The following CCDC178 variants were observed in gnomAD, a reference collection of about 807,000 sequenced individuals.
CCDC178 encodes coiled-coil domain containing 178, also known as coiled-coil domain-containing protein 178.
Under a neutral mutation model 117.4 loss-of-function variants are expected in CCDC178, and 126 were observed. The ratio of observed to expected loss-of-function variants is 1.07; its 90% confidence interval spans 0.93 to 1.24. The LOEUF (loss-of-function observed/expected upper bound fraction) is 1.24, where lower values mean the gene tolerates loss of function less well. Ranked by LOEUF, CCDC178 falls within the 50% of genes most tolerant of loss-of-function variation. The pLI is 0.00. For missense variants in CCDC178, 1,030 were observed against 986.9 expected, an observed-to-expected ratio of 1.04 and a Z score of -0.59; for synonymous variants, 283 against 313.4, an observed-to-expected ratio of 0.90 and a Z score of 1.02.
chr18:33,374,055 G>A (rs1168987678), intron 5 of CCDC178, among the ~76,000 whole-genome samples: 1 of 152,188 alleles, frequency 6.6e-6, no homozygotes, highest in Admixed American at 6.6e-5. Context: ...TCTCTGCCAA[G>A]GGACAGTTTC....
chr18:33,325,003 A>T (rs1424196748), intron 10 of CCDC178, among the ~76,000 whole-genome samples: 1 of 151,654 alleles, frequency 6.6e-6, no homozygotes, highest in Admixed American at 6.6e-5. Flanking sequence ...AATTATAATA[A>T]TATTAAAATA....
chr18:33,413,920 C>G (rs1186529670), intron 2 of CCDC178, among the ~76,000 whole-genome samples: 1 of 152,092 alleles, frequency 6.6e-6, no homozygotes, highest in Non-Finnish European at 1.5e-5. Flanking sequence ...TAGACTGAAG[C>G]CCAGCCTCAA....
At chr18:33,259,754 T>G (rs1365258011) in intron 14 of CCDC178, among the ~76,000 whole-genome samples, 1 of 152,038 alleles carries the variant, frequency 6.6e-6, no homozygotes, top group Admixed American at 6.6e-5. Context: ...ATAACTTCCA[T>G]AATAATTATG....
chr18:33,389,703 G>T, intron 4 of CCDC178, 74 bp from the exon 5 acceptor site: 2 of 611,352 alleles, frequency 3.3e-6, no homozygotes, highest in Non-Finnish European at 2.6e-6. Flanking sequence ...GCACCACCAT[G>T]TAAAAAACTA....
At chr18:33,022,749 T>C (rs533412744) in intron 21 of CCDC178, among the ~76,000 whole-genome samples, 2 of 152,140 alleles carry the variant, frequency 1.3e-5, no homozygotes, top group East Asian at 3.9e-4. Flanking sequence ...AATAACTACA[T>C]TAAATGTAGA....
chr18:33,016,991 C>T (rs1375290884), intron 21 of CCDC178, among the ~76,000 whole-genome samples: 3 of 151,796 alleles, frequency 2.0e-5, no homozygotes, highest in East Asian at 1.9e-4. Context: ...ACAAAAATCC[C>T]TATAGCTAAC....
chr18:33,429,743 A>G (rs2064180052), intron 2 of CCDC178, among the ~76,000 whole-genome samples: 1 of 152,198 alleles, frequency 6.6e-6, no homozygotes, highest in African/African-American at 2.4e-5. Context: ...TCAGATAACC[A>G]TGTTGTAAAT....
chr18:32,972,972 C>A (rs1416183266), intron 22 of CCDC178, among the ~76,000 whole-genome samples: 1 of 152,058 alleles, frequency 6.6e-6, no homozygotes, highest in East Asian at 1.9e-4. Context: ...TCCCCAAATA[C>A]AATCCAACCT....
Position 33,223,216 on chromosome 18 carries a change from G to A in CCDC178, c.1822C>T (p.Leu608Phe), listed in dbSNP as rs1204869775. The part of the protein sequence containing the change: ...RSLDKEHSVM[L>F]NNIIDQKDLI... ...TCTTTCTGATCAATTATATTATTAA[G>A]CATCTAGAAGACATTCAGATATTAA... Residue 608 changes from leucine (L) to phenylalanine (F), a missense_variant, in exon 18 of 23, where the codon CTT becomes TTT. Physicochemically the swap from Leu to Phe is conservative, Grantham distance 22. Coordinates refer to ENST00000383096, the MANE Select transcript of CCDC178 (RefSeq NM_001105528.4). 7 of 1,591,652 alleles carry A rather than the reference G, an allele frequency of 4.4e-6. No homozygotes were observed. Among genetic ancestry groups the A allele is most frequent in the African/African-American group, 1.4e-5 (1 of 73,694 alleles).
At chr18:33,188,725 C>T (rs1383657830) in intron 20 of CCDC178, among the ~76,000 whole-genome samples, 1 of 152,190 alleles carries the variant, frequency 6.6e-6, no homozygotes, top group East Asian at 1.9e-4. Context: ...ACCCCTAGAA[C>T]TTCCAGTAGG....
At chr18:33,281,446 G>T (rs919329375) in intron 12 of CCDC178, among the ~76,000 whole-genome samples, 10 of 152,084 alleles carry the variant, frequency 6.6e-5, no homozygotes, top group African/African-American at 1.7e-4. Flanking sequence ...TTTTGGTTAT[G>T]TTTAAAGTCA....
chr18:33,053,224 A>T (rs1015096474), intron 21 of CCDC178, among the ~76,000 whole-genome samples: 2 of 152,202 alleles, frequency 1.3e-5, no homozygotes, highest in Non-Finnish European at 1.5e-5. Flanking sequence ...TAATCCATTT[A>T]CACAGTCTAC....
At chr18:33,185,655 A>C (rs2058782831) in intron 20 of CCDC178, among the ~76,000 whole-genome samples, 1 of 152,064 alleles carries the variant, frequency 6.6e-6, no homozygotes, top group Non-Finnish European at 1.5e-5. Context: ...AAGACACATC[A>C]AAAATTTTTC....
intron 21 of CCDC178, among the ~76,000 whole-genome samples, chr18:33,035,020 A>G (rs948447740): frequency 8.5e-5 from 13 of 152,108 alleles, no homozygotes; most frequent in African/African-American, 3.1e-4. Flanking sequence ...GGCAGTGTGG[A>G]ACATGAGACA....
chr18:33,058,704 G>A (rs1332578190), intron 21 of CCDC178, among the ~76,000 whole-genome samples: 1 of 152,156 alleles, frequency 6.6e-6, no homozygotes, highest in Non-Finnish European at 1.5e-5. Context: ...TGTGAAAGGT[G>A]AATTGATGGT....
chr18:33,066,410 T>C (rs544833261), intron 21 of CCDC178, among the ~76,000 whole-genome samples: 2 of 152,078 alleles, frequency 1.3e-5, no homozygotes, highest in South Asian at 4.1e-4. Flanking sequence ...AGGTAAACAA[T>C]GAATGAGGAA....
At chr18:33,225,071 G>T (rs2059286389) in intron 16 of CCDC178, 135 bp from the exon 17 acceptor site, 6 of 385,716 alleles carry the variant, frequency 1.6e-5, no homozygotes, top group Non-Finnish European at 2.6e-5. Flanking sequence ...CATAAAAAAT[G>T]GATACGAATG....
intron 12 of CCDC178, among the ~76,000 whole-genome samples, chr18:33,285,975 ATTT>A (rs60956262): frequency 7.2e-6 from 1 of 138,080 alleles, no homozygotes. Context: ...AGCAATGTGT[ATTT>A]TTTTTTTTTT....
intron 20 of CCDC178, among the ~76,000 whole-genome samples, chr18:33,131,261 A>C (rs2058066272): frequency 6.6e-6 from 1 of 151,926 alleles, no homozygotes; most frequent in African/African-American, 2.4e-5. Context: ...GTATTAAATC[A>C]GTTTTCTACA....
Sources: allele counts gnomAD v4.1 joint callset (sites outside exome capture counted in the v4.1 genomes callset), GRCh38; gene constraint gnomAD v4.1.1; transcripts MANE v1.5; gene names NCBI Gene and HGNC (gene_info 2026-07-23, HGNC 2026-07-21).